PCNT: variants seen among roughly 807,000 people sequenced by gnomAD.
PCNT encodes kendrin.
In PCNT, 319 loss-of-function variants were observed where a neutral mutation model predicts 380.4. That is an observed-to-expected ratio of 0.84 (90% CI 0.77 to 0.92). PCNT has a LOEUF of 0.92. Ranked by LOEUF, PCNT falls within the 40% of genes least tolerant of loss-of-function variation. PCNT has a pLI of 0.00. For missense variants in PCNT, 4,400 were observed against 4,255.3 expected, an observed-to-expected ratio of 1.03 and a Z score of -0.95; for synonymous variants, 1,845 against 1,735.2, an observed-to-expected ratio of 1.06 and a Z score of -1.57.
Position 46,397,996 on chromosome 21 carries a change from C to G in PCNT, c.4447-18C>G. On this transcript the variant is annotated intron_variant, in intron 22 of 46. Coordinates refer to ENST00000359568, the MANE Select transcript of PCNT (RefSeq NM_006031.6). ...CAGCCCCGTTGGGGTGGTCCCAACA[C>G]GCTGCCTCTCCTCCCAGGAGCAGGC... The G allele has an allele frequency of 6.4e-7, 1 of 1,561,650 alleles. No individual in the cohort carries two copies.
rs543693764 is a variant in PCNT, at chr21:46,419,511, G to A, written c.7024+1205G>A. On this transcript the variant is annotated intron_variant, in intron 31 of 46. Transcript: ENST00000359568. ...AGGTGCAGTCTGCACGCCCTGTGCT[G>A]TCACAGCCAAGGTTTGCCCTTAAAG... 3.3e-5 allele frequency among the ~76,000 whole-genome samples: 5 copies of A among 152,230 alleles called. No homozygotes were observed. The South Asian group carries it at 1.0e-3, about 31-fold the overall frequency.
chr21:46,422,648 A>G (rs536899558), intron 32 of PCNT, among the ~76,000 whole-genome samples: 1 of 152,212 alleles, frequency 6.6e-6, no homozygotes, highest in Admixed American at 6.5e-5. Context: ...AACTTGGCTA[A>G]ACAAGTGAGT....
In PCNT at chr21:46,353,169, G is replaced by GA. The variant is rs1369869782; in HGVS notation, c.1528dup (p.Thr510AsnfsTer4). ...AGATTTAGAACAGCTGAAGCAGCGA[G>GA]AAAAAACCCAGCATGAGTCCGAACT... On this transcript the variant is annotated frameshift_variant, in exon 10 of 47. Transcript: ENST00000359568. LOFTEE classifies it high-confidence loss of function. The GA allele has an allele frequency of 6.2e-7, 1 of 1,613,980 alleles. No homozygotes were observed. The highest frequency in any genetic ancestry group is 8.5e-7 in the Non-Finnish European group (1 of 1,180,038).
intron 13 of PCNT, 36 bp from the exon 14 acceptor site, chr21:46,363,444 C>T: frequency 3.3e-6 from 5 of 1,537,758 alleles, no homozygotes; most frequent in East Asian, 2.2e-5. Context: ...CTTCCATTAG[C>T]GTCTTTCCTC....
intron 27 of PCNT, among the ~76,000 whole-genome samples, chr21:46,406,609 CAAT>C (rs1350504186): frequency 2.0e-5 from 3 of 152,144 alleles, no homozygotes; most frequent in African/African-American, 7.2e-5. Context: ...TCTTTTATTA[CAAT>C]GTCTAGCACT....
intron 35 of PCNT, among the ~76,000 whole-genome samples, chr21:46,429,556 G>C (rs1310234670): frequency 6.6e-6 from 1 of 152,186 alleles, no homozygotes; most frequent in Non-Finnish European, 1.5e-5. Context: ...GTGCCTTTTT[G>C]GTCTTGGTGC....
chr21:46,332,289 C>G (rs1275189679), intron 2 of PCNT, among the ~76,000 whole-genome samples: 1 of 152,202 alleles, frequency 6.6e-6, no homozygotes, highest in Non-Finnish European at 1.5e-5. Flanking sequence ...TAGCACTTTT[C>G]CAACTCATAT....
intron 1 of PCNT, 47 bp downstream of exon 1, chr21:46,324,329 A>G (rs373239426): frequency 1.9e-5 from 28 of 1,500,168 alleles, no homozygotes; most frequent in Non-Finnish European, 2.5e-5. Context: ...GTGAAGTCCT[A>G]AGGGCGGCTC....
At chr21:46,395,791 G>A in intron 21 of PCNT, among the ~76,000 whole-genome samples, 1 of 151,652 alleles carries the variant, frequency 6.6e-6, no homozygotes, top group Non-Finnish European at 1.5e-5. Flanking sequence ...TCAGGATTCG[G>A]CAGCAGAGAC....
rs377283848 is a variant in PCNT, at chr21:46,363,906, G to T, written c.2581G>T (p.Ala861Ser). ...TGCGCTCCACGTGAAGGAAGACTGC[G>T]CCCTGCAGCTGATGCTGGCCCGGAG... is the stretch of plus-strand genomic sequence containing the variant. The part of the protein sequence containing the change: ...LAALHVKEDC[A>S]LQLMLARSRF... The change falls in exon 14 of 47, where the codon GCC (alanine) becomes TCC (serine). Residue 861 changes from alanine (A) to serine (S), a missense_variant. Transcript: ENST00000359568. 4 of 1,610,748 alleles carry T rather than the reference G, an allele frequency of 2.5e-6. No homozygotes were observed. Among genetic ancestry groups the T allele is most frequent in the East Asian group, 4.5e-5 (2 of 44,884 alleles).
Position 46,334,489 on chromosome 21 carries a change from C to T in PCNT, c.360C>T (p.Phe120=), listed in dbSNP as rs369744922. ...NDHPPEQCGM[F]TVSDHPPEQH... is the part of the protein sequence containing the mutation. The stretch of plus-strand genomic sequence containing the variant: ...ATCCTCCAGAGCAGTGTGGGATGTT[C>T]ACAGTCAGTGACCACCCACCAGAAC... Residue 120 remains phenylalanine (F), a synonymous_variant, in exon 3 of 47, where the codon TTC becomes TTT. Coordinates refer to ENST00000359568, the MANE Select transcript of PCNT (RefSeq NM_006031.6). 3 of 1,612,780 alleles carry T rather than the reference C, an allele frequency of 1.9e-6. No individual in the cohort carries two copies. Among genetic ancestry groups the T allele is most frequent in the South Asian group, 1.1e-5 (1 of 91,042 alleles).
intron 41 of PCNT, 102 bp downstream of exon 41, chr21:46,438,439 A>G (rs1267519763): frequency 1.1e-5 from 11 of 1,021,822 alleles, no homozygotes; most frequent in African/African-American, 1.6e-5. Flanking sequence ...GGACCTGGGG[A>G]TGTGGGCGTC....
chr21:46,325,705 A>T (rs1157163478), intron 1 of PCNT, among the ~76,000 whole-genome samples: 10 of 152,298 alleles, frequency 6.6e-5, no homozygotes, highest in Admixed American at 6.5e-4. Flanking sequence ...TGTGGGATCG[A>T]TCGCATACCT....
intron 40 of PCNT, 72 bp from the exon 41 acceptor site, chr21:46,438,092 T>C (rs2053510749): frequency 8.1e-7 from 1 of 1,233,502 alleles, no homozygotes; most frequent in African/African-American, 1.5e-5. Context: ...AAATAACTGT[T>C]GACAAAAAAC....
At chr21:46,354,728 C>G (rs2084410500) in intron 11 of PCNT, among the ~76,000 whole-genome samples, 1 of 152,170 alleles carries the variant, frequency 6.6e-6, no homozygotes, top group African/African-American at 2.4e-5. Flanking sequence ...CGGCCAGGAG[C>G]CCTCACTCTG....
At chr21:46,415,029 T>G (rs2086967842) in intron 29 of PCNT, among the ~76,000 whole-genome samples, 2 of 152,258 alleles carry the variant, frequency 1.3e-5, no homozygotes. Flanking sequence ...GGAAGCATGC[T>G]TGGTGCTGAA....
At chr21:46,353,378 C>G in intron 10 of PCNT, 52 bp downstream of exon 10, 1 of 1,460,804 alleles carries the variant, frequency 6.8e-7, no homozygotes, top group East Asian at 2.3e-5. Context: ...AGGGGCCAGG[C>G]TCTGAGTTCA....
intron 27 of PCNT, among the ~76,000 whole-genome samples, chr21:46,408,297 C>T (rs1462339039): frequency 1.3e-5 from 2 of 152,184 alleles, no homozygotes; most frequent in African/African-American, 4.8e-5. Context: ...GATCCATTCA[C>T]CCATCGAGGG....
At chr21:46,428,867 T>C (rs2087620838) in intron 35 of PCNT, among the ~76,000 whole-genome samples, 1 of 152,328 alleles carries the variant, frequency 6.6e-6, no homozygotes, top group African/African-American at 2.4e-5. Flanking sequence ...TGGGAGCTCA[T>C]GCTAGAGTTC....
Sources: allele counts gnomAD v4.1 joint callset (sites outside exome capture counted in the v4.1 genomes callset), GRCh38; gene constraint gnomAD v4.1.1; transcripts MANE v1.5; gene names NCBI Gene and HGNC (gene_info 2026-07-23, HGNC 2026-07-21).